CCDC85A: variants seen among roughly 807,000 people sequenced by gnomAD.
CCDC85A encodes coiled-coil domain-containing protein 85A.
In CCDC85A, 38 loss-of-function variants were observed where a neutral mutation model predicts 50.2. The observed-to-expected ratio is 0.76, with a 90% CI of 0.58 to 0.99. The LOEUF is 0.99. Ranked by LOEUF, CCDC85A falls within the 50% of genes least tolerant of loss-of-function variation. The pLI is 0.00. For synonymous variants in CCDC85A, 366 were observed against 301.4 expected (o/e 1.21, Z -2.22); for missense variants, 820 against 742.0 (o/e 1.11, Z -1.22).
At chr2:56,303,215 G>C (rs1490832577) in intron 2 of CCDC85A, among the ~76,000 whole-genome samples, 5 of 152,030 alleles carry the variant, frequency 3.3e-5, no homozygotes, top group African/African-American at 9.7e-5. Context: ...TGAGGCCTGG[G>C]GTTATGTCTC....
At chr2:56,195,392 T>C (rs556128996) in intron 2 of CCDC85A, among the ~76,000 whole-genome samples, 21 of 152,216 alleles carry the variant, frequency 1.4e-4, no homozygotes, top group Non-Finnish European at 2.9e-4. Flanking sequence ...AAAACTGATG[T>C]AATAGAATGA....
intron 5 of CCDC85A, among the ~76,000 whole-genome samples, chr2:56,380,993 C>G (rs992907973): frequency 6.6e-6 from 1 of 152,102 alleles, no homozygotes; most frequent in Non-Finnish European, 1.5e-5. Context: ...CAGATATTCT[C>G]AGACACTTAC....
In CCDC85A at chr2:56,184,545, G is replaced by C. The variant is rs1032579793; in HGVS notation, c.-80G>C. The C allele has an allele frequency of 4.5e-6, 6 of 1,344,614 alleles. No individual in the cohort carries two copies. The African/African-American group carries it at 9.3e-5, about 21-fold the overall frequency. The allele number at this position is 1,344,614 out of a possible 1,614,324, so 83.3% of individuals were successfully genotyped here. A position where few individuals can be genotyped will look rare whatever the true frequency, so the allele number is the denominator to read the frequency against. On this transcript the variant is annotated 5_prime_UTR_variant, in exon 1 of 6. Coordinates refer to ENST00000407595, the MANE Select transcript of CCDC85A (RefSeq NM_001080433.2). ...GCCGGAGCGCACAGGGGTGTGGGCG[G>C]AGGCGGCCTCGCCGCGCCCGCGCCT... is the stretch of plus-strand genomic sequence containing the variant.
intron 2 of CCDC85A, among the ~76,000 whole-genome samples, chr2:56,295,488 G>A (rs1263700142): frequency 6.6e-6 from 1 of 152,136 alleles, no homozygotes; most frequent in East Asian, 1.9e-4. Context: ...ATCAGCTTCC[G>A]CATGGCTAGT....
intron 2 of CCDC85A, among the ~76,000 whole-genome samples, chr2:56,255,906 C>T (rs1309223553): frequency 6.6e-6 from 1 of 152,008 alleles, no homozygotes; most frequent in Non-Finnish European, 1.5e-5. Context: ...ACATTGGTAA[C>T]AAGGAGTCAC....
chr2:56,319,510 GTAAA>G (rs1183070771), intron 2 of CCDC85A, among the ~76,000 whole-genome samples: 8 of 152,056 alleles, frequency 5.3e-5, no homozygotes, highest in Non-Finnish European at 1.5e-5. Flanking sequence ...CTGTTTTGCA[GTAAA>G]TAAATGTTTC....
intron 3 of CCDC85A, among the ~76,000 whole-genome samples, chr2:56,368,789 A>G: frequency 6.7e-6 from 1 of 148,824 alleles, no homozygotes; most frequent in Admixed American, 6.7e-5. Context: ...AGTCAATTGG[A>G]AATATTTATA....
At chr2:56,242,117 T>C (rs969363136) in intron 2 of CCDC85A, among the ~76,000 whole-genome samples, 5 of 152,156 alleles carry the variant, frequency 3.3e-5, no homozygotes, top group Non-Finnish European at 7.3e-5. Flanking sequence ...TATTTTCCAA[T>C]TGTATGTTTT....
chr2:56,248,050 TC>T (rs1251426992), intron 2 of CCDC85A, among the ~76,000 whole-genome samples: 1 of 152,206 alleles, frequency 6.6e-6, no homozygotes, highest in Non-Finnish European at 1.5e-5. Context: ...TATCTTTCTC[TC>T]TCACTGGATC....
intron 2 of CCDC85A, among the ~76,000 whole-genome samples, chr2:56,263,152 A>G (rs1670291230): frequency 1.3e-5 from 2 of 152,194 alleles, no homozygotes; most frequent in South Asian, 4.1e-4. Flanking sequence ...ATAGAAATAC[A>G]GTATAATCCT....
At position 56,185,311 on chromosome 2, in the gene CCDC85A, C is replaced by G. The variant is rs527456614; in HGVS notation, c.276+411C>G. ...TTGGAGGGTCGGGAATGCGGCTGCT[C>G]TGGGCCAGCAGCTCTTGGGCGGGCA... On this transcript the variant is annotated intron_variant, in intron 1 of 5. Transcript: ENST00000407595. Among the ~76,000 whole-genome samples, 28 of 152,280 alleles carry G rather than the reference C, an allele frequency of 1.8e-4. No homozygotes were observed. The East Asian group carries it at 5.4e-3, about 30-fold the overall frequency.
intron 2 of CCDC85A, among the ~76,000 whole-genome samples, chr2:56,334,188 G>GT (rs1226998414): frequency 6.6e-6 from 1 of 152,066 alleles, no homozygotes; most frequent in African/African-American, 2.4e-5. Flanking sequence ...ATTGTATTTG[G>GT]TTTTTACTGC....
At chr2:56,313,362 A>G in intron 2 of CCDC85A, among the ~76,000 whole-genome samples, 1 of 152,300 alleles carries the variant, frequency 6.6e-6, no homozygotes, top group Middle Eastern at 3.4e-3. Flanking sequence ...TAGTCCTTAT[A>G]GTACCTGGCA....
At chr2:56,231,617 T>C (rs1251843425) in intron 2 of CCDC85A, among the ~76,000 whole-genome samples, 2 of 152,076 alleles carry the variant, frequency 1.3e-5, no homozygotes, top group Non-Finnish European at 2.9e-5. Flanking sequence ...TTTTTTTTTT[T>C]AACTGTAGAC....
At chr2:56,240,641 A>G (rs975214503) in intron 2 of CCDC85A, among the ~76,000 whole-genome samples, 1 of 152,236 alleles carries the variant, frequency 6.6e-6, no homozygotes, top group African/African-American at 2.4e-5. Context: ...CTCGTGCAAT[A>G]TTATGTGGGC....
intron 2 of CCDC85A, among the ~76,000 whole-genome samples, chr2:56,312,770 C>T (rs928712441): frequency 1.3e-5 from 2 of 152,090 alleles, no homozygotes; most frequent in Non-Finnish European, 2.9e-5. Flanking sequence ...TTCATTTTAA[C>T]ATTCGTTTAT....
intron 5 of CCDC85A, among the ~76,000 whole-genome samples, chr2:56,383,972 T>A (rs558897187): frequency 6.6e-6 from 1 of 151,970 alleles, no homozygotes; most frequent in African/African-American, 2.4e-5. Flanking sequence ...CCTCAAGTGC[T>A]TAGTGTGCAG....
intron 2 of CCDC85A, among the ~76,000 whole-genome samples, chr2:56,198,596 A>G (rs1036802402): frequency 6.6e-6 from 1 of 152,244 alleles, no homozygotes; most frequent in Non-Finnish European, 1.5e-5. Context: ...AGAAAGCTTA[A>G]TATTGAAAAT....
intron 2 of CCDC85A, among the ~76,000 whole-genome samples, chr2:56,235,531 C>T (rs1434451413): frequency 6.6e-6 from 1 of 152,094 alleles, no homozygotes; most frequent in African/African-American, 2.4e-5. Context: ...GTATAAGACA[C>T]TGAAAATAGA....
Sources: gnomAD v4.1 joint callset for allele counts (sites outside exome capture counted in the v4.1 genomes callset) on GRCh38, gnomAD v4.1.1 for gene constraint, MANE v1.5 for transcripts, NCBI Gene and HGNC (gene_info 2026-07-23, HGNC 2026-07-21) for gene names.